Variants in CALCR observed in about 807,000 individuals in gnomAD.
The protein encoded by CALCR is calcitonin receptor.
A neutral mutation model predicts 59.5 loss-of-function variants in CALCR; 47 were observed. That is an observed-to-expected ratio of 0.79 (90% confidence interval 0.63 to 1.01). CALCR has a LOEUF of 1.01. CALCR is among the 50% of genes least tolerant of loss of function. CALCR has a pLI of 0.00. For missense variants in CALCR, 566 were observed against 597.1 expected, an observed-to-expected ratio of 0.95 and a Z score of 0.54; for synonymous variants, 213 against 211.3, an observed-to-expected ratio of 1.01 and a Z score of -0.07.
chr7:93,553,675 A>G (rs1789523213), intron 2 of CALCR, among the ~76,000 whole-genome samples: 1 of 152,100 alleles, frequency 6.6e-6, no homozygotes, highest in Non-Finnish European at 1.5e-5. Context: ...GCATATATTT[A>G]TAGTGTTGTT....
chr7:93,429,709 T>C (rs1021641611), intron 13 of CALCR, among the ~76,000 whole-genome samples: 2 of 152,194 alleles, frequency 1.3e-5, no homozygotes, highest in Admixed American at 1.3e-4. Context: ...CCTACTATAG[T>C]TATGTACTGC....
intron 2 of CALCR, among the ~76,000 whole-genome samples, chr7:93,534,064 A>T (rs1460470418): frequency 6.6e-6 from 1 of 151,818 alleles, no homozygotes; most frequent in Non-Finnish European, 1.5e-5. Context: ...AAAAAGAATG[A>T]TCTAAAGTAG....
At chr7:93,450,710 A>G (rs1342290009) in intron 8 of CALCR, among the ~76,000 whole-genome samples, 1 of 151,914 alleles carries the variant, frequency 6.6e-6, no homozygotes, top group Admixed American at 6.6e-5. Context: ...CAGGGTCTTC[A>G]GATAATTTCT....
chr7:93,469,942 G>T (rs945407213), intron 6 of CALCR, among the ~76,000 whole-genome samples: 1 of 151,684 alleles, frequency 6.6e-6, no homozygotes, highest in Non-Finnish European at 1.5e-5. Flanking sequence ...TGGGATTGAA[G>T]CCCTAGTCAG....
intron 2 of CALCR, among the ~76,000 whole-genome samples, chr7:93,558,157 A>G (rs967106933): frequency 1.3e-5 from 2 of 150,874 alleles, no homozygotes; most frequent in African/African-American, 4.9e-5. Context: ...TTTCTTAAAA[A>G]TTCTTACTGA....
chr7:93,541,906 C>G (rs1473112), intron 2 of CALCR, among the ~76,000 whole-genome samples: 3 of 152,330 alleles, frequency 2.0e-5, no homozygotes, highest in African/African-American at 7.2e-5. Flanking sequence ...AAACTAATTG[C>G]TAAGCATTAT....
chr7:93,498,315 G>A (rs1226101739), intron 2 of CALCR, among the ~76,000 whole-genome samples: 3 of 151,614 alleles, frequency 2.0e-5, no homozygotes, highest in Non-Finnish European at 4.4e-5. Context: ...TGACATCTAA[G>A]TAGTTGGTCA....
chr7:93,537,231 A>T (rs1042070669), intron 2 of CALCR, among the ~76,000 whole-genome samples: 7 of 151,822 alleles, frequency 4.6e-5, no homozygotes, highest in African/African-American at 1.7e-4. Flanking sequence ...TCTCTTATAC[A>T]ATGTTCCAAG....
At chr7:93,483,381 C>A (rs1236836402) in intron 3 of CALCR, among the ~76,000 whole-genome samples, 1 of 151,114 alleles carries the variant, frequency 6.6e-6, no homozygotes, top group African/African-American at 2.4e-5. Flanking sequence ...TATGGATGTA[C>A]AACCCATGGA....
intron 2 of CALCR, chr7:93,495,945 A>C (rs1208147398): frequency 1.3e-6 from 2 of 1,527,062 alleles, no homozygotes; most frequent in Non-Finnish European, 1.8e-6. Context: ...GGGGTGGCAA[A>C]AGTGGGTGGA....
chr7:93,563,863 A>G (rs1789800350), intron 2 of CALCR, among the ~76,000 whole-genome samples: 1 of 152,100 alleles, frequency 6.6e-6, no homozygotes, highest in Non-Finnish European at 1.5e-5. Context: ...TAGGATACTT[A>G]CCTCTCTGTT....
At chr7:93,480,194 G>A (rs2115893633) in intron 3 of CALCR, among the ~76,000 whole-genome samples, 1 of 151,906 alleles carries the variant, frequency 6.6e-6, no homozygotes, top group African/African-American at 2.4e-5. Flanking sequence ...TTCAGTTTCA[G>A]TTAATCATCA....
In CALCR at chr7:93,425,337, T is replaced by TGAA. The variant is rs1799502433; in HGVS notation, c.*1018_*1019insTTC. ...TTCCTGGAAAAGCCTGAGCTCTTTT[T>TGAA]AAGCTTTGAAGCTGGGTGGAAAGCA... On this transcript the variant is annotated 3_prime_UTR_variant, in exon 14 of 14. Transcript: ENST00000426151. 1 of 152,630 alleles carries TGAA rather than the reference T, an allele frequency of 6.6e-6. No homozygotes were observed. The highest frequency in any genetic ancestry group is 1.5e-5 in the Non-Finnish European group (1 of 68,016). 9.5% of individuals were successfully genotyped at this position (152,630 alleles called of 1,614,324 possible).
chr7:93,462,080 C>A (rs181020057), intron 7 of CALCR: 2 of 1,504,550 alleles, frequency 1.3e-6, no homozygotes, highest in Non-Finnish European at 1.8e-6. Context: ...TCCTATATTT[C>A]CAATTCAAAG....
intron 2 of CALCR, among the ~76,000 whole-genome samples, chr7:93,506,602 T>C (rs1356085651): frequency 2.6e-5 from 4 of 151,880 alleles, no homozygotes; most frequent in Admixed American, 2.0e-4. Flanking sequence ...TCCAGATGGC[T>C]CAATTGTTTG....
intron 6 of CALCR, 55 bp downstream of exon 6, chr7:93,472,320 C>T: frequency 9.5e-7 from 1 of 1,052,978 alleles, no homozygotes; most frequent in Non-Finnish European, 1.5e-6. Context: ...GCGTCCATTT[C>T]CTTGTACAAA....
Position 93,479,479 on chromosome 7 carries a change from G to A in CALCR, c.80C>T (p.Ser27Leu), listed in dbSNP as rs867539190. ...CTCTATTGTTGGATAGGTTTGATTT[G>A]AAAAGGCAGGAAGAATTGGGGTTGG... ...NHPTPILPAF[S>L]NQTYPTIEPK... The change falls in exon 4 of 14, where the codon TCA becomes TTA. Residue 27 changes from serine to leucine, a missense_variant. Transcript: ENST00000426151. 6.2e-7 allele frequency: 1 copy of A among 1,612,304 alleles called. No individual in the cohort carries two copies. Among genetic ancestry groups the A allele is most frequent in the Non-Finnish European group, 8.5e-7 (1 of 1,178,978 alleles).
intron 2 of CALCR, among the ~76,000 whole-genome samples, chr7:93,524,165 T>C (rs1035268956): frequency 2.7e-5 from 4 of 149,372 alleles, no homozygotes; most frequent in Non-Finnish European, 5.9e-5. Flanking sequence ...TTATTTACTA[T>C]TTTTTTTTCT....
chr7:93,492,432 C>T (rs1005352759), intron 2 of CALCR, among the ~76,000 whole-genome samples: 2 of 151,040 alleles, frequency 1.3e-5, no homozygotes, highest in Non-Finnish European at 3.0e-5. Context: ...TATACTTGTC[C>T]CCAAAAGGGT....
Sources: gnomAD v4.1 joint callset for allele counts (sites outside exome capture counted in the v4.1 genomes callset) on GRCh38, gnomAD v4.1.1 for gene constraint, MANE v1.5 for transcripts, NCBI Gene and HGNC (gene_info 2026-07-23, HGNC 2026-07-21) for gene names.